Variants in RNF216 observed in about 807,000 individuals in gnomAD.
RNF216 encodes the protein ring finger protein 216, also known as E3 ubiquitin-protein ligase RNF216.
RNF216 carries 72 observed loss-of-function variants against 110.8 expected under a neutral mutation model. The observed-to-expected ratio is 0.65, with a 90% CI of 0.54 to 0.79. RNF216 has a LOEUF of 0.79. RNF216 is among the 30% of genes least tolerant of loss of function. The pLI is 0.00. For synonymous variants in RNF216, 495 were observed against 407.5 expected, an observed-to-expected ratio of 1.21 and a Z score of -2.59; for missense variants, 1,342 against 1,141.2, an observed-to-expected ratio of 1.18 and a Z score of -2.54.
At chr7:5,766,716 T>G (rs1024786374) in intron 1 of RNF216, among the ~76,000 whole-genome samples, 23 of 152,278 alleles carry the variant, frequency 1.5e-4, no homozygotes, top group African/African-American at 5.5e-4. Context: ...CAGCTTGAGC[T>G]GACTAATACA....
intron 1 of RNF216, among the ~76,000 whole-genome samples, chr7:5,772,037 C>T (rs956515112): frequency 1.3e-5 from 2 of 152,134 alleles, no homozygotes; most frequent in Non-Finnish European, 2.9e-5. Context: ...AGTTCGAGAC[C>T]AGCCTGACCA....
intron 1 of RNF216, chr7:5,766,945 A>G: frequency 6.6e-6 from 1 of 152,236 alleles, no homozygotes; most frequent in East Asian, 1.9e-4. Flanking sequence ...AGAGGCTAAA[A>G]GAGAGAATAA....
chr7:5,729,383 A>G (rs754967618), intron 7 of RNF216, 49 bp downstream of exon 7: 184 of 1,569,818 alleles, frequency 1.2e-4, no homozygotes, highest in Non-Finnish European at 1.6e-4. Flanking sequence ...TTACCATGGG[A>G]AGATGTAGTC....
chr7:5,654,026 C>A (rs188278335), intron 13 of RNF216, among the ~76,000 whole-genome samples: 2 of 152,062 alleles, frequency 1.3e-5, no homozygotes, highest in Admixed American at 1.3e-4. Context: ...GTGCCAAGTA[C>A]GGAAGTAACA....
At chr7:5,750,641 G>C (rs771584009) in intron 3 of RNF216, among the ~76,000 whole-genome samples, 4 of 152,212 alleles carry the variant, frequency 2.6e-5, no homozygotes, top group African/African-American at 9.6e-5. Flanking sequence ...CATGCCTAAT[G>C]CATGGGCCAC....
chr7:5,701,073 CAG>C (rs936770528), intron 13 of RNF216, among the ~76,000 whole-genome samples: 13 of 152,162 alleles, frequency 8.5e-5, no homozygotes, highest in Non-Finnish European at 1.2e-4. Context: ...GTGCTGTGGA[CAG>C]AGAGTGCAGA....
Position 5,620,251 on chromosome 7 carries a change from T to TA in RNF216, c.*2608_*2609insT, listed in dbSNP as rs1786270846. The TA allele has an allele frequency of 6.6e-6, 1 of 152,216 alleles. No homozygotes were observed. Among genetic ancestry groups the TA allele is most frequent in the African/African-American group, 2.4e-5 (1 of 41,462 alleles). 9.4% of individuals were successfully genotyped at this position (152,216 alleles called of 1,614,324 possible). A position where few individuals can be genotyped will look rare whatever the true frequency, so the allele number is the denominator to read the frequency against. ...TTCAGTTTTTAAATATTTTGCTAAGTGCAAATACTAGATTCCTCTCTCCAG... is the reference window on the plus strand; with the variant it reads ...TTCAGTTTTTAAATATTTTGCTAAGTAGCAAATACTAGATTCCTCTCTCCAG... On this transcript the variant is annotated 3_prime_UTR_variant, in exon 17 of 17. Transcript: ENST00000389902.
intron 13 of RNF216, among the ~76,000 whole-genome samples, chr7:5,708,184 T>C (rs950052113): frequency 6.6e-6 from 1 of 152,260 alleles, no homozygotes; most frequent in African/African-American, 2.4e-5. Context: ...AAATGTTCCA[T>C]GCGCAACAGA....
At chr7:5,723,796 C>T (rs1324921646) in intron 8 of RNF216, among the ~76,000 whole-genome samples, 4 of 152,126 alleles carry the variant, frequency 2.6e-5, no homozygotes, top group East Asian at 1.9e-4. Context: ...AGTGTTTAGA[C>T]GGAAAACAAA....
Position 5,629,934 on chromosome 7 carries a change from G to C in RNF216, c.2383-5809C>G, listed in dbSNP as rs148937358. On this transcript the variant is annotated intron_variant, in intron 15 of 16. Transcript: ENST00000389902. Reference sequence around the variant, plus strand: ...GATACTTCTTGGACTTGGGATAAGTGACAGATGGGGTATTGAGTCCATTCT... The same window carrying C: ...GATACTTCTTGGACTTGGGATAAGTCACAGATGGGGTATTGAGTCCATTCT... 9.2e-5 allele frequency among the ~76,000 whole-genome samples: 14 copies of C among 152,124 alleles called. No homozygotes were observed. In the Middle Eastern group the frequency reaches 0.01, roughly 111 times the overall value.
At chr7:5,708,514 CCATA>C (rs1184070540) in intron 13 of RNF216, among the ~76,000 whole-genome samples, 1 of 152,086 alleles carries the variant, frequency 6.6e-6, no homozygotes, top group Admixed American at 6.6e-5. Flanking sequence ...ATTCAAGTAC[CCATA>C]CAATCATTCT....
intron 13 of RNF216, among the ~76,000 whole-genome samples, chr7:5,698,558 A>T (rs188021448): frequency 3.2e-3 from 491 of 151,832 alleles, no homozygotes; most frequent in African/African-American, 0.011. Flanking sequence ...GCCTTATTAA[A>T]TTTTTTTCTA....
At chr7:5,667,521 T>C (rs1789608313) in intron 13 of RNF216, among the ~76,000 whole-genome samples, 1 of 152,158 alleles carries the variant, frequency 6.6e-6, no homozygotes, top group Non-Finnish European at 1.5e-5. Flanking sequence ...CCCCCAGCCT[T>C]CTCCATCCTG....
chr7:5,734,717 G>T (rs1415606268), intron 5 of RNF216, among the ~76,000 whole-genome samples: 1 of 151,346 alleles, frequency 6.6e-6, no homozygotes, highest in Non-Finnish European at 1.5e-5. Context: ...CCAGCTATTC[G>T]GGAGACTGAG....
At chr7:5,754,117 GT>G (rs1795480626) in intron 2 of RNF216, among the ~76,000 whole-genome samples, 1 of 128,022 alleles carries the variant, frequency 7.8e-6, no homozygotes, top group Middle Eastern at 3.5e-3. Flanking sequence ...TTTCTTTTGT[GT>G]GGTGTGTGTG....
At chr7:5,651,970 G>C (rs1788419434) in intron 14 of RNF216, among the ~76,000 whole-genome samples, 1 of 152,156 alleles carries the variant, frequency 6.6e-6, no homozygotes, top group African/African-American at 2.4e-5. Flanking sequence ...GTGAGTATTT[G>C]TAATGTGCTC....
At position 5,621,430 on chromosome 7, in the gene RNF216, C is replaced by G. The variant is rs890946589; in HGVS notation, c.*1430G>C. 6.6e-6 allele frequency: 1 copy of G among 152,248 alleles called. No homozygotes were observed. The allele number at this position is 152,248 out of a possible 1,614,324, so 9.4% of individuals were successfully genotyped here. ...CCTCCCAAAGTGCTGGGATTACAGG[C>G]GGGAGCCACCGCGCCGGGCCATCTT... is the stretch of plus-strand genomic sequence containing the variant. On this transcript the variant is annotated 3_prime_UTR_variant, in exon 17 of 17. Coordinates refer to ENST00000389902, the MANE Select transcript of RNF216 (RefSeq NM_207111.4).
chr7:5,622,848 G>A lies in RNF216; in HGVS notation c.*12C>T. The A allele has an allele frequency of 6.3e-7, 1 of 1,587,326 alleles. No homozygotes were observed. The highest frequency in any genetic ancestry group is 8.6e-7 in the Non-Finnish European group (1 of 1,164,644). On this transcript the variant is annotated 3_prime_UTR_variant, in exon 17 of 17. Transcript: ENST00000389902. ...AACGGGCTTTGTGCTGCTCAATGGG[G>A]ATTCGGGGCCATCAGAAGCGATGCC...
chr7:5,755,223 A>G (rs1376158858), intron 2 of RNF216, among the ~76,000 whole-genome samples: 1 of 97,358 alleles, frequency 1.0e-5, no homozygotes, highest in African/African-American at 4.0e-5. Context: ...GAAAGGAAGG[A>G]AGGGAGGGAA....
Sources: allele counts gnomAD v4.1 joint callset (sites outside exome capture counted in the v4.1 genomes callset), GRCh38; gene constraint gnomAD v4.1.1; transcripts MANE v1.5; gene names NCBI Gene and HGNC (gene_info 2026-07-23, HGNC 2026-07-21).